DYNC2I2: variants seen among roughly 807,000 people sequenced by gnomAD.
DYNC2I2 encodes dynein 2 intermediate chain 2.
A neutral mutation model predicts 52.0 loss-of-function variants in DYNC2I2; 39 were observed. The ratio of observed to expected loss-of-function variants is 0.75; its 90% CI spans 0.58 to 0.98. The LOEUF (loss-of-function observed/expected upper bound fraction) is 0.98, where lower values mean the gene tolerates loss of function less well. DYNC2I2 is among the 50% of genes least tolerant of loss of function. The pLI is 0.00. For synonymous variants in DYNC2I2, 359 were observed against 321.1 expected, an observed-to-expected ratio of 1.12 and a Z score of -1.26; for missense variants, 743 against 728.4, an observed-to-expected ratio of 1.02 and a Z score of -0.23.
chr9:128,638,421 G>A (rs1860453294), intron 2 of DYNC2I2, among the ~76,000 whole-genome samples: 1 of 151,918 alleles, frequency 6.6e-6, no homozygotes, highest in Admixed American at 6.6e-5. Flanking sequence ...GGAGGCTGAG[G>A]CAGCAGAATA....
At chr9:128,653,781 G>A (rs970628490) in intron 1 of DYNC2I2, among the ~76,000 whole-genome samples, 1 of 152,078 alleles carries the variant, frequency 6.6e-6, no homozygotes, top group Non-Finnish European at 1.5e-5. Flanking sequence ...GGAGGCCAAG[G>A]CAGGCGGATC....
intron 1 of DYNC2I2, among the ~76,000 whole-genome samples, chr9:128,641,619 C>T (rs985154015): frequency 2.6e-5 from 4 of 152,254 alleles, no homozygotes; most frequent in Middle Eastern, 3.4e-3. Flanking sequence ...GCTCTCTGGG[C>T]GGAAGCAATC....
At chr9:128,676,376 G>C in the DYNC2I2 span, among the ~76,000 whole-genome samples, 4 of 151,816 alleles carry the variant, frequency 2.6e-5, no homozygotes, top group African/African-American at 9.7e-5. Flanking sequence ...TGTAATCTCA[G>C]CTACTCGGGA....
the DYNC2I2 span, among the ~76,000 whole-genome samples, chr9:128,683,005 C>A: frequency 1.4e-5 from 2 of 145,718 alleles, no homozygotes; most frequent in East Asian, 2.1e-4. Context: ...AAAAAAAAGT[C>A]TTTTTTTGAG....
intron 1 of DYNC2I2, among the ~76,000 whole-genome samples, chr9:128,642,580 C>G (rs1860537199): frequency 6.6e-6 from 1 of 151,634 alleles, no homozygotes; most frequent in Non-Finnish European, 1.5e-5. Flanking sequence ...ACCATCCTGG[C>G]TAATACGGTG....
intron 1 of DYNC2I2, among the ~76,000 whole-genome samples, chr9:128,654,631 C>T (rs573138719): frequency 1.1e-3 from 174 of 152,266 alleles, no homozygotes; most frequent in African/African-American, 4.0e-3. Context: ...AATCATAGCT[C>T]ACTGCAGCCT....
At chr9:128,647,281 G>T (rs1448226673) in intron 1 of DYNC2I2, among the ~76,000 whole-genome samples, 1 of 152,206 alleles carries the variant, frequency 6.6e-6, no homozygotes, top group Non-Finnish European at 1.5e-5. Context: ...ACCATGCCAG[G>T]CAGTGTGTGA....
chr9:128,649,822 A>G (rs113501540), intron 1 of DYNC2I2, among the ~76,000 whole-genome samples: 2 of 46,940 alleles, frequency 4.3e-5, no homozygotes, highest in Non-Finnish European at 8.9e-5. Flanking sequence ...GTGAAACCCC[A>G]TCTCTACTAA....
At chr9:128,658,663 G>A (rs139881957), upstream of DYNC2I2, among the ~76,000 whole-genome samples, 16 of 149,814 alleles carry the variant, frequency 1.1e-4, no homozygotes, top group African/African-American at 3.4e-4. Context: ...GGGTTTCACC[G>A]TGTTGGCCAT....
the DYNC2I2 span, among the ~76,000 whole-genome samples, chr9:128,666,339 GCCACTGCTCT>G: frequency 2.8e-5 from 4 of 144,344 alleles, no homozygotes; most frequent in Non-Finnish European, 4.5e-5. Flanking sequence ...CCAAGATCGT[GCCACTGCTCT>G]CCAGCCTTGG....
At chr9:128,639,449 A>G (rs1034892784) in intron 2 of DYNC2I2, among the ~76,000 whole-genome samples, 3 of 151,892 alleles carry the variant, frequency 2.0e-5, no homozygotes, top group Admixed American at 6.6e-5. Context: ...CTCAAACCCA[A>G]TACTGTCTGC....
chr9:128,671,806 C>T, the DYNC2I2 span, among the ~76,000 whole-genome samples: 4 of 150,920 alleles, frequency 2.7e-5, no homozygotes, highest in Non-Finnish European at 5.9e-5. Context: ...TGCCCGCCAC[C>T]ATGCCCGGCT....
In DYNC2I2 at chr9:128,634,215, C is replaced by T. The variant is rs753096495; in HGVS notation, c.1372+11G>A. 2 of 1,610,386 alleles carry T rather than the reference C, an allele frequency of 1.2e-6. No homozygotes were observed. The highest frequency in any genetic ancestry group is 1.7e-6 in the Non-Finnish European group (2 of 1,178,322). ...CCTTAAACAGATCCAGGCCTAGCGG[C>T]CCCTTCCTACCTTTCCCAGAGGCAG... On this transcript the variant is annotated intron_variant, in intron 8 of 8. Transcript: ENST00000372715.
intron 1 of DYNC2I2, among the ~76,000 whole-genome samples, chr9:128,643,802 AGGCAG>A (rs1323767151): frequency 1.3e-5 from 2 of 152,220 alleles, no homozygotes; most frequent in African/African-American, 4.8e-5. Context: ...GGTCACACTC[AGGCAG>A]AGAACACAGG....
chr9:128,640,972 C>CAGCT (rs769168536), intron 1 of DYNC2I2, 33 bp from the exon 2 acceptor site: 23 of 1,554,412 alleles, frequency 1.5e-5, no homozygotes, highest in Middle Eastern at 2.3e-4. Flanking sequence ...TGTCACCACC[C>CAGCT]AGCTGTCCTC....
At chr9:128,661,304 CAAAAAAAA>C (rs34937317), upstream of DYNC2I2, among the ~76,000 whole-genome samples, 8 of 62,232 alleles carry the variant, frequency 1.3e-4, no homozygotes, top group South Asian at 4.0e-3. Context: ...GACTCCATCT[CAAAAAAAA>C]AAAAAAAAAA....
At chr9:128,663,596 T>C in the DYNC2I2 span, 1 of 151,994 alleles carries the variant, frequency 6.6e-6, no homozygotes, top group African/African-American at 2.4e-5. Context: ...GATGTATTTG[T>C]TCCATTTTCT....
In DYNC2I2 at chr9:128,634,827, G is replaced by A. The variant is rs766982279; in HGVS notation, c.1076C>T (p.Pro359Leu). 1.3e-5 allele frequency: 21 copies of A among 1,613,366 alleles called. No individual in the cohort carries two copies. Among genetic ancestry groups the A allele is most frequent in the Admixed American group, 5.0e-5 (3 of 59,994 alleles). Residue 359 changes from proline (P) to leucine (L), a missense_variant, in exon 7 of 9, where the codon CCG (proline) becomes CTG (leucine). By Grantham distance (98) the Pro-to-Leu change is moderately conservative. Transcript: ENST00000372715. ...LFILGTEGGF[P>L]LKCSLAAGEA... ...TCCAGCTGCCAGGGAACACTTGAGC[G>A]GGAAGCCGCCTTCCGTGCCCAGAAT...
chr9:128,635,321 C>G (rs1230576871), intron 5 of DYNC2I2, 62 bp from the exon 6 acceptor site: 4 of 1,530,232 alleles, frequency 2.6e-6, no homozygotes, highest in Non-Finnish European at 2.6e-6. Flanking sequence ...GTGTCACGCT[C>G]CACCCCTACC....
Sources: gnomAD v4.1 joint callset for allele counts (sites outside exome capture counted in the v4.1 genomes callset) on GRCh38, gnomAD v4.1.1 for gene constraint, MANE v1.5 for transcripts, NCBI Gene and HGNC (gene_info 2026-07-23, HGNC 2026-07-21) for gene names.